Variants in SERGEF observed in about 807,000 individuals in gnomAD.
The protein encoded by SERGEF is secretion-regulating guanine nucleotide exchange factor.
SERGEF carries 51 observed loss-of-function variants against 50.0 expected under a neutral mutation model. The ratio of observed to expected loss-of-function variants is 1.02; its 90% CI spans 0.81 to 1.29. The LOEUF (loss-of-function observed/expected upper bound fraction) is 1.29. SERGEF is among the 50% of genes most tolerant of loss of function. The pLI, the probability that SERGEF is intolerant of heterozygous loss-of-function variation, is 0.00. For missense variants in SERGEF, 521 were observed against 557.0 expected (o/e 0.94, Z 0.65); for synonymous variants, 205 against 212.4 (o/e 0.97, Z 0.30).
intron 10 of SERGEF, among the ~76,000 whole-genome samples, chr11:17,801,517 T>C (rs948611290): frequency 6.6e-6 from 1 of 152,184 alleles, no homozygotes; most frequent in Non-Finnish European, 1.5e-5. Context: ...GACCTGCTGA[T>C]ACATTATATA....
At chr11:17,789,459 G>T (rs1394170831) in intron 10 of SERGEF, among the ~76,000 whole-genome samples, 1 of 152,172 alleles carries the variant, frequency 6.6e-6, no homozygotes. Context: ...CCAGAAAGTG[G>T]CCAAGCCAAC....
intron 10 of SERGEF, among the ~76,000 whole-genome samples, chr11:17,801,068 G>A (rs894344703): frequency 2.0e-5 from 3 of 151,924 alleles, no homozygotes; most frequent in African/African-American, 7.3e-5. Flanking sequence ...GGTGGTGGGC[G>A]CCTGTAGTCC....
intron 9 of SERGEF, among the ~76,000 whole-genome samples, chr11:17,918,229 GAC>G (rs1324681024): frequency 6.6e-6 from 1 of 152,180 alleles, no homozygotes; most frequent in African/African-American, 2.4e-5. Context: ...TCAAAACAGA[GAC>G]AGTCCCCAAC....
chr11:17,802,117 G>A (rs1849681080), intron 10 of SERGEF, among the ~76,000 whole-genome samples: 1 of 152,186 alleles, frequency 6.6e-6, no homozygotes, highest in Non-Finnish European at 1.5e-5. Flanking sequence ...GGGAAACCCA[G>A]GCACAGAGCT....
At chr11:18,011,280 G>T (rs754123372) in intron 1 of SERGEF, among the ~76,000 whole-genome samples, 1 of 152,066 alleles carries the variant, frequency 6.6e-6, no homozygotes, top group East Asian at 1.9e-4. Context: ...GCCTTTAAAG[G>T]GGCAATTAAG....
At chr11:17,930,918 C>T (rs142647322) in intron 9 of SERGEF, among the ~76,000 whole-genome samples, 2 of 152,270 alleles carry the variant, frequency 1.3e-5, no homozygotes, top group Middle Eastern at 3.4e-3. Context: ...TCTTCAATCA[C>T]GCACACCACT....
chr11:17,993,065 C>T, intron 6 of SERGEF, 72 bp from the exon 7 acceptor site: 1 of 1,258,120 alleles, frequency 7.9e-7, no homozygotes. Context: ...GGGCACTCAG[C>T]CAGTACCACC....
At chr11:17,878,699 T>C (rs1466474184) in intron 9 of SERGEF, among the ~76,000 whole-genome samples, 1 of 152,188 alleles carries the variant, frequency 6.6e-6, no homozygotes, top group Non-Finnish European at 1.5e-5. Context: ...GGAGAAATGT[T>C]TGACTTTTTC....
chr11:17,943,604 G>C (rs1852600623), intron 9 of SERGEF, among the ~76,000 whole-genome samples: 2 of 151,174 alleles, frequency 1.3e-5, no homozygotes, highest in Admixed American at 6.6e-5. Context: ...TTTACTTCAG[G>C]TTTATTTTTA....
At chr11:17,929,194 C>T (rs117724695) in intron 9 of SERGEF, among the ~76,000 whole-genome samples, 2 of 152,234 alleles carry the variant, frequency 1.3e-5, no homozygotes, top group Non-Finnish European at 2.9e-5. Context: ...TCAAAGTGCA[C>T]CAATAACTGG....
intron 10 of SERGEF, among the ~76,000 whole-genome samples, chr11:17,792,836 G>C (rs191110127): frequency 2.6e-5 from 4 of 152,264 alleles, no homozygotes; most frequent in Admixed American, 2.0e-4. Flanking sequence ...TTCTATAAGG[G>C]GCAGATAGGA....
rs188244306 is a variant in SERGEF at position 17,884,719 on chromosome 11, A to G, written c.1012-6475T>C. Among the ~76,000 whole-genome samples, 1 of 152,126 alleles carries G rather than the reference A, an allele frequency of 6.6e-6. No homozygotes were observed. The highest frequency in any genetic ancestry group is 1.5e-5 in the Non-Finnish European group (1 of 68,026). ...CTTGAATTTGTATTTTATTTCATATATATGTGTATATGTTATATATACATT... is the reference window on the plus strand; with the variant it reads ...CTTGAATTTGTATTTTATTTCATATGTATGTGTATATGTTATATATACATT... On this transcript the variant is annotated intron_variant, in intron 9 of 10. Coordinates refer to ENST00000265965, the MANE Select transcript of SERGEF (RefSeq NM_012139.4). This position sits in a 1 kb window ranked among gnomAD's most constrained non-coding sequence, Gnocchi z 4.6.
At chr11:17,942,342 CTAAA>C (rs1358621868) in intron 9 of SERGEF, among the ~76,000 whole-genome samples, 5 of 151,892 alleles carry the variant, frequency 3.3e-5, no homozygotes, top group Non-Finnish European at 5.9e-5. Context: ...AAGTTTATAC[CTAAA>C]TATTTTGTAC....
At chr11:18,010,772 T>G (rs899511243) in intron 1 of SERGEF, among the ~76,000 whole-genome samples, 1 of 152,198 alleles carries the variant, frequency 6.6e-6, no homozygotes, top group Non-Finnish European at 1.5e-5. Context: ...CATCTGAAAC[T>G]GTGCTGGCCC....
chr11:17,873,071 T>G (rs888965388), intron 10 of SERGEF, among the ~76,000 whole-genome samples: 15 of 152,190 alleles, frequency 9.9e-5, no homozygotes, highest in African/African-American at 3.4e-4. Flanking sequence ...GTTTTTCATC[T>G]TAAATACTGA....
chr11:17,820,995 G>A (rs1441938842), intron 10 of SERGEF, among the ~76,000 whole-genome samples: 1 of 152,162 alleles, frequency 6.6e-6, no homozygotes, highest in Non-Finnish European at 1.5e-5. Context: ...AAAGACCTTG[G>A]AATGAGTGCA....
chr11:17,957,916 A>T (rs764728761), intron 9 of SERGEF, among the ~76,000 whole-genome samples: 18 of 152,220 alleles, frequency 1.2e-4, no homozygotes, highest in Non-Finnish European at 2.4e-4. Context: ...ACAAAACATC[A>T]TAAATGCTAT....
At chr11:17,913,998 G>C (rs1852001437) in intron 9 of SERGEF, among the ~76,000 whole-genome samples, 1 of 152,232 alleles carries the variant, frequency 6.6e-6, no homozygotes, top group Non-Finnish European at 1.5e-5. Context: ...ATGACTGAAT[G>C]AAGCCCAAAT....
intron 1 of SERGEF, chr11:18,009,997 G>A: frequency 1.7e-6 from 1 of 574,506 alleles, no homozygotes; most frequent in Non-Finnish European, 2.6e-6. Flanking sequence ...ATTCAGAATT[G>A]AAGACAAGGG....
Sources: gnomAD v4.1 joint callset for allele counts (sites outside exome capture counted in the v4.1 genomes callset) on GRCh38, gnomAD v4.1.1 for gene constraint, Gnocchi (gnomAD v3.1) non-coding constraint, MANE v1.5 for transcripts, NCBI Gene and HGNC (gene_info 2026-07-23, HGNC 2026-07-21) for gene names.